The following FHL3 variants were observed in gnomAD, a reference collection of about 807,000 sequenced individuals.
The protein encoded by FHL3 is four and a half LIM domains protein 3.
A neutral mutation model predicts 34.3 loss-of-function variants in FHL3; 21 were observed. That is an observed-to-expected ratio of 0.61 (90% CI 0.43 to 0.88). FHL3 has a LOEUF of 0.88. FHL3 is among the 40% of genes least tolerant of loss of function. FHL3 has a pLI of 0.00. For synonymous variants in FHL3, 137 were observed against 144.6 expected, an observed-to-expected ratio of 0.95 and a Z score of 0.38; for missense variants, 333 against 373.7, an observed-to-expected ratio of 0.89 and a Z score of 0.90.
At position 37,996,804 on chromosome 1, in the gene FHL3, G is replaced by C. The variant is rs572112058; in HGVS notation, c.*601C>G. 2 of 154,404 alleles carry C rather than the reference G, an allele frequency of 1.3e-5. No individual in the cohort carries two copies. Among genetic ancestry groups the C allele is most frequent in the Non-Finnish European group, 2.9e-5 (2 of 69,630 alleles). 9.6% of individuals were successfully genotyped at this position (154,404 alleles called of 1,614,324 possible). A position where few individuals can be genotyped will look rare whatever the true frequency, so the allele number is the denominator to read the frequency against. On this transcript the variant is annotated 3_prime_UTR_variant, in exon 6 of 6. Coordinates refer to ENST00000373016, the MANE Select transcript of FHL3 (RefSeq NM_004468.5). ...CCGCTTTATTGCAGAATCTGGAAGGGGGATGAGCCAATCTCACCCCTCTGC... is the reference window on the plus strand; with the variant it reads ...CCGCTTTATTGCAGAATCTGGAAGGCGGATGAGCCAATCTCACCCCTCTGC...
chr1:38,004,116 C>T (rs951000707), intron 1 of FHL3, among the ~76,000 whole-genome samples: 8 of 152,150 alleles, frequency 5.3e-5, no homozygotes, highest in African/African-American at 1.9e-4. Context: ...CGGGCACCAA[C>T]CCCAAGCTCT....
In FHL3 at chr1:37,997,918, C is replaced by T. The variant is rs757882807; in HGVS notation, c.501+45G>A. 6.2e-7 allele frequency: 1 copy of T among 1,613,774 alleles called. No individual in the cohort carries two copies. Among genetic ancestry groups the T allele is most frequent in the Non-Finnish European group, 8.5e-7 (1 of 1,179,820 alleles). On this transcript the variant is annotated intron_variant, in intron 4 of 5. Coordinates refer to ENST00000373016, the MANE Select transcript of FHL3 (RefSeq NM_004468.5). The surrounding 1 kb of genome is among the most constrained non-coding windows in gnomAD (Gnocchi z 4.3). ...TAGGTATGAGTGGGGATTCCCACCC[C>T]ACAACAGGCCTCACTCACCCCCACC...
In FHL3 at chr1:38,005,488, G is replaced by C. The variant is rs1646635879; in HGVS notation, c.-152C>G. On this transcript the variant is annotated 5_prime_UTR_variant, in exon 1 of 6. Transcript: ENST00000373016. ...CGAGCGAGCTGCCGGCGAGGCTGCC[G>C]ACTGCAGACGGACCGTGTGGGCGAG... 1.3e-5 allele frequency: 2 copies of C among 150,402 alleles called. No homozygotes were observed. Among genetic ancestry groups the C allele is most frequent in the African/African-American group, 4.9e-5 (2 of 41,236 alleles). The allele number at this position is 150,402 out of a possible 1,614,324, so 9.3% of individuals were successfully genotyped here.
chr1:38,003,882 T>G (rs1393451057), intron 1 of FHL3, among the ~76,000 whole-genome samples: 1 of 152,154 alleles, frequency 6.6e-6, no homozygotes, highest in East Asian at 1.9e-4. Context: ...TCTCCTCAGC[T>G]GCTAGCCCTG....
chr1:37,998,027 C>A lies in FHL3; in HGVS notation c.437G>T (p.Gly146Val), dbSNP rs777587205. The change falls in exon 4 of 6, where the codon GGT becomes GTT. Residue 146 changes from glycine (G) to valine (V), a missense_variant. Coordinates refer to ENST00000373016, the MANE Select transcript of FHL3 (RefSeq NM_004468.5). ...ATAGCAGGGCACGCAGTAGTGAGCACCCTTGTCGGGCACAAAAGAACGGGA... is the reference window on the plus strand; with the variant it reads ...ATAGCAGGGCACGCAGTAGTGAGCAACCTTGTCGGGCACAAAAGAACGGGA... ...LGSRSFVPDK[G>V]AHYCVPCYEN... is the part of the protein sequence containing the mutation. 6 of 1,614,026 alleles carry A rather than the reference C, an allele frequency of 3.7e-6. No individual in the cohort carries two copies. The highest frequency in any genetic ancestry group is 3.3e-5 in the South Asian group (3 of 91,090).
At position 37,997,695 on chromosome 1, in the gene FHL3, C is replaced by T. The variant is rs141853329; in HGVS notation, c.677G>A (p.Arg226His). Reference protein sequence around the residue: ...LFAPKCSSCKRPIVGLGGGKY... With the variant: ...LFAPKCSSCKHPIVGLGGGKY... ...GACCCTTGTCCCACCTACGATGGGG[C>T]GCTTGCAGCTGCTGCACTTAGGTGC... Residue 226 changes from arginine to histidine, a missense_variant, in exon 5 of 6, where the codon CGC (arginine) becomes CAC (histidine). Arg to His is a conservative substitution (Grantham distance 29, BLOSUM62 0). Coordinates refer to ENST00000373016, the MANE Select transcript of FHL3 (RefSeq NM_004468.5). This position sits in a 1 kb window ranked among gnomAD's most constrained non-coding sequence, Gnocchi z 4.3. 1.1e-4 allele frequency: 179 copies of T among 1,613,962 alleles called. No homozygotes were observed. Among genetic ancestry groups the T allele is most frequent in the East Asian group, 8.9e-4 (40 of 44,888 alleles).
In FHL3 at chr1:38,002,208, C is replaced by T. The variant is rs146891565; in HGVS notation, c.-20-2776G>A. Reference sequence around the variant, plus strand: ...CCACCTCCCGGGTTCAAGTGATTCTCCTCCCTCAGCCTCCCGAGTAGCTGG... The same window carrying T: ...CCACCTCCCGGGTTCAAGTGATTCTTCTCCCTCAGCCTCCCGAGTAGCTGG... On this transcript the variant is annotated intron_variant, in intron 1 of 5. Coordinates refer to ENST00000373016, the MANE Select transcript of FHL3 (RefSeq NM_004468.5). 6.3e-3 allele frequency among the ~76,000 whole-genome samples: 954 copies of T among 151,204 alleles called. 8 individuals carry two copies. The highest frequency in any genetic ancestry group is 0.017 in the South Asian group (80 of 4,772).
chr1:37,997,590 A>T lies in FHL3; in HGVS notation c.689-31T>A. On this transcript the variant is annotated intron_variant, in intron 5 of 5. Transcript: ENST00000373016. The surrounding 1 kb of genome is among the most constrained non-coding windows in gnomAD (Gnocchi z 4.3). ...GGGAGGCTGGAAGTTAGCTATGCAG[A>T]TGTGGGGATGGTCCGGCCCTCAACC... 6.2e-7 allele frequency: 1 copy of T among 1,613,206 alleles called. No individual in the cohort carries two copies. The highest frequency in any genetic ancestry group is 8.5e-7 in the Non-Finnish European group (1 of 1,179,564).
In FHL3 at chr1:37,997,052, T is replaced by C. The variant is rs897880290; in HGVS notation, c.*353A>G. 1 of 201,182 alleles carries C rather than the reference T, an allele frequency of 5.0e-6. No homozygotes were observed. The highest frequency in any genetic ancestry group is 1.0e-5 in the Non-Finnish European group (1 of 98,626). 12.5% of individuals were successfully genotyped at this position (201,182 alleles called of 1,614,324 possible). On this transcript the variant is annotated 3_prime_UTR_variant, in exon 6 of 6. Coordinates refer to ENST00000373016, the MANE Select transcript of FHL3 (RefSeq NM_004468.5). The surrounding 1 kb of genome is among the most constrained non-coding windows in gnomAD (Gnocchi z 4.3). ...GAGACCTGAAACCTATAAAGAGAAG[T>C]CTAGATTTAAGGGGGCCTAAGTCCC... is the stretch of plus-strand genomic sequence containing the variant.
chr1:37,998,434 C>T (rs1646557874), intron 3 of FHL3, among the ~76,000 whole-genome samples: 1 of 152,236 alleles, frequency 6.6e-6, no homozygotes, highest in Admixed American at 6.5e-5. Flanking sequence ...TCACTAAGAG[C>T]TAAGCCCTCA....
At position 37,997,229 on chromosome 1, in the gene FHL3, G is replaced by A; in HGVS notation, c.*176C>T. The A allele has an allele frequency of 1.5e-6, 1 of 662,634 alleles. No individual in the cohort carries two copies. The highest frequency in any genetic ancestry group is 2.6e-6 in the Non-Finnish European group (1 of 385,002). 41.0% of individuals were successfully genotyped at this position (662,634 alleles called of 1,614,324 possible). ...GGAGGCTCTGTAAGAGCCCAGGTTTGGGGCCCTGGGTCAGGGAGTACCAGT... is the reference window on the plus strand; with the variant it reads ...GGAGGCTCTGTAAGAGCCCAGGTTTAGGGCCCTGGGTCAGGGAGTACCAGT... On this transcript the variant is annotated 3_prime_UTR_variant, in exon 6 of 6. Transcript: ENST00000373016. The surrounding 1 kb of genome is among the most constrained non-coding windows in gnomAD (Gnocchi z 4.3).
rs371403796 is a variant in FHL3, at chr1:38,003,187, A to C, written c.-21+2170T>G. 9.3e-4 allele frequency among the ~76,000 whole-genome samples: 141 copies of C among 152,170 alleles called. No homozygotes were observed. In the South Asian group the frequency reaches 0.014, roughly 15 times the overall value. ...ACAAAACAAAACAACAACAAAAAAA[A>C]CAACTCTGGGCTCAAGCAAACCACC... On this transcript the variant is annotated intron_variant, in intron 1 of 5. Transcript: ENST00000373016.
At chr1:37,998,899 A>G in intron 3 of FHL3, 75 bp downstream of exon 3, 6 of 1,475,994 alleles carry the variant, frequency 4.1e-6, no homozygotes, top group Non-Finnish European at 5.6e-6. Context: ...CCAAGTCTCC[A>G]TGTATCAGAC....
Position 37,997,805 on chromosome 1 carries a change from G to A in FHL3, c.567C>T (p.Thr189=), listed in dbSNP as rs150225142. The A allele has an allele frequency of 1.5e-4, 244 of 1,614,092 alleles. No homozygotes were observed. Among genetic ancestry groups the A allele is most frequent in the African/African-American group, 1.4e-3 (102 of 75,024 alleles). Residue 189 remains threonine, a synonymous_variant, in exon 5 of 6, where the codon ACC becomes ACT. Coordinates refer to ENST00000373016, the MANE Select transcript of FHL3 (RefSeq NM_004468.5). The surrounding 1 kb of genome is among the most constrained non-coding windows in gnomAD (Gnocchi z 4.3). ...QPWHRECLVC[T]GCQTPLAGQQ... is the part of the protein sequence containing the mutation. ...GCCCTGCCAGGGGCGTCTGGCATCCGGTACAGACCAGACATTCTCGATGCC... is the reference window on the plus strand; with the variant it reads ...GCCCTGCCAGGGGCGTCTGGCATCCAGTACAGACCAGACATTCTCGATGCC...
At chr1:38,003,496 G>A (rs941165516) in intron 1 of FHL3, among the ~76,000 whole-genome samples, 14 of 152,184 alleles carry the variant, frequency 9.2e-5, no homozygotes, top group African/African-American at 3.4e-4. Context: ...ACACCAGTGG[G>A]GAAAGTGGTC....
At chr1:38,002,193 G>A (rs965240792) in intron 1 of FHL3, among the ~76,000 whole-genome samples, 1 of 151,874 alleles carries the variant, frequency 6.6e-6, no homozygotes, top group Non-Finnish European at 1.5e-5. Flanking sequence ...CCACCTCCCG[G>A]GTTCAAGTGA....
chr1:38,003,436 T>C (rs989258010), intron 1 of FHL3, among the ~76,000 whole-genome samples: 3 of 152,148 alleles, frequency 2.0e-5, no homozygotes, highest in Non-Finnish European at 4.4e-5. Context: ...ATTCTCAGCA[T>C]AGGCCCAGGG....
chr1:38,002,592 C>T (rs1454598830), intron 1 of FHL3, among the ~76,000 whole-genome samples: 1 of 138,900 alleles, frequency 7.2e-6, no homozygotes, highest in Non-Finnish European at 1.5e-5. Flanking sequence ...CAGACTGGAG[C>T]GCAGTTAACT....
intron 1 of FHL3, among the ~76,000 whole-genome samples, chr1:38,004,801 G>T (rs1375299607): frequency 6.6e-6 from 1 of 152,142 alleles, no homozygotes. Context: ...GGCCAATGAC[G>T]CCCAAGCCTC....
Sources: gnomAD v4.1 joint callset for allele counts (sites outside exome capture counted in the v4.1 genomes callset) on GRCh38, gnomAD v4.1.1 for gene constraint, Gnocchi (gnomAD v3.1) non-coding constraint, MANE v1.5 for transcripts, NCBI Gene and HGNC (gene_info 2026-07-23, HGNC 2026-07-21) for gene names.